The following PTGIS variants were observed in gnomAD, a reference collection of about 807,000 sequenced individuals.
PTGIS encodes prostaglandin I2 synthase.
PTGIS carries 45 observed loss-of-function variants against 50.3 expected under a neutral mutation model. That is an observed-to-expected ratio of 0.90 (90% CI 0.70 to 1.15). The LOEUF (loss-of-function observed/expected upper bound fraction) is 1.15. Ranked by LOEUF, PTGIS falls within the 50% of genes most tolerant of loss-of-function variation. The probability of loss-of-function intolerance (pLI) is 0.00; values close to 1 mark genes in which losing one functional copy is unlikely to be tolerated. For synonymous variants in PTGIS, 260 were observed against 267.7 expected (o/e 0.97, Z 0.28); for missense variants, 668 against 661.3 (o/e 1.01, Z -0.11).
chr20:49,527,552 A>G (rs1681908238), intron 5 of PTGIS, among the ~76,000 whole-genome samples: 1 of 152,170 alleles, frequency 6.6e-6, no homozygotes, highest in Non-Finnish European at 1.5e-5. Flanking sequence ...AAAGTAGAAT[A>G]GAAGAGACAG....
At chr20:49,541,150 C>A (rs56396761) in intron 4 of PTGIS, among the ~76,000 whole-genome samples, 1 of 152,208 alleles carries the variant, frequency 6.6e-6, no homozygotes, top group African/African-American at 2.4e-5. Flanking sequence ...TTTGGGGAAA[C>A]TCACACAAAA....
intron 5 of PTGIS, among the ~76,000 whole-genome samples, 183 bp downstream of exon 5, chr20:49,539,387 G>T (rs1982163454): frequency 6.6e-6 from 1 of 152,194 alleles, no homozygotes; most frequent in Non-Finnish European, 1.5e-5. Context: ...CCAAGCTCTG[G>T]TCCAAGCCCT....
intron 3 of PTGIS, among the ~76,000 whole-genome samples, chr20:49,545,734 G>T (rs1357298677): frequency 6.6e-6 from 1 of 152,124 alleles, no homozygotes; most frequent in Non-Finnish European, 1.5e-5. Context: ...AGTGAAGTGG[G>T]GTGTCCATGG....
At chr20:49,538,746 G>A (rs144595436) in intron 5 of PTGIS, among the ~76,000 whole-genome samples, 3 of 151,998 alleles carry the variant, frequency 2.0e-5, no homozygotes, top group Admixed American at 6.6e-5. Context: ...GTGCAGTGGC[G>A]TGATCACAGC....
chr20:49,547,937 A>C lies in PTGIS; in HGVS notation c.281T>G (p.Leu94Arg), dbSNP rs1303263595. ...GAAGATGGCATAGGCATGGAAGTCG[A>C]GCCTGGTGCGAGGCTCCCACACCAC... Reference protein sequence around the residue: ...DAVVWEPRTRLDFHAYAIFLM... With the variant: ...DAVVWEPRTRRDFHAYAIFLM... Residue 94 changes from leucine (L) to arginine (R), a missense_variant, in exon 3 of 10, where the codon CTC (leucine) becomes CGC (arginine). Coordinates refer to ENST00000244043, the MANE Select transcript of PTGIS (RefSeq NM_000961.4). 6.2e-7 allele frequency: 1 copy of C among 1,614,156 alleles called. No homozygotes were observed. The highest frequency in any genetic ancestry group is 1.7e-5 in the Admixed American group (1 of 60,018).
intron 5 of PTGIS, among the ~76,000 whole-genome samples, chr20:49,536,393 T>C (rs1250501786): frequency 6.6e-6 from 1 of 152,148 alleles, no homozygotes; most frequent in Non-Finnish European, 1.5e-5. Context: ...ACTATGACAA[T>C]GCTTAACCTC....
Position 49,547,778 on chromosome 20 carries a change from C to A in PTGIS, c.377+63G>T, listed in dbSNP as rs142779301. The A allele has an allele frequency of 3.1e-4, 474 of 1,548,508 alleles. 2 individuals are homozygous for A. In the African/African-American group the frequency reaches 4.5e-3, roughly 15 times the overall value. On this transcript the variant is annotated intron_variant, in intron 3 of 9. Transcript: ENST00000244043. ...CTTTGGAACCAAGAATAACTTGGGC[C>A]ACATGAGTAGAAATGAGTCGCCCAC...
At chr20:49,549,334 A>G (rs1018077879) in intron 2 of PTGIS, among the ~76,000 whole-genome samples, 6 of 152,214 alleles carry the variant, frequency 3.9e-5, no homozygotes, top group African/African-American at 1.4e-4. Flanking sequence ...ATAATACCTA[A>G]CACAATGTAA....
chr20:49,561,408 T>C (rs1982770929), intron 1 of PTGIS, among the ~76,000 whole-genome samples: 1 of 152,308 alleles, frequency 6.6e-6, no homozygotes, highest in South Asian at 2.1e-4. Context: ...AAATTTGAGC[T>C]CTGTGAGTCT....
In PTGIS at chr20:49,521,380, C is replaced by G. The variant is rs186923572; in HGVS notation, c.855+2678G>C. On this transcript the variant is annotated intron_variant, in intron 6 of 9. Coordinates refer to ENST00000244043, the MANE Select transcript of PTGIS (RefSeq NM_000961.4). ...TCCCAAAAGGCCCTTGAAAAGTTTT[C>G]CCACCTGCCTGAATTCTGGACGCTG... Among the ~76,000 whole-genome samples, 769 of 152,300 alleles carry G rather than the reference C, an allele frequency of 5.0e-3. 5 individuals are homozygous for G. Among genetic ancestry groups the G allele is most frequent in the Middle Eastern group, 0.024 (7 of 294 alleles).
chr20:49,513,694 A>G (rs1981390865), intron 7 of PTGIS, among the ~76,000 whole-genome samples: 1 of 152,178 alleles, frequency 6.6e-6, no homozygotes, highest in Non-Finnish European at 1.5e-5. Context: ...TGACTGGCCA[A>G]TCAGAGCATC....
At chr20:49,550,028 C>T (rs1222444698) in intron 2 of PTGIS, 38 bp downstream of exon 2, 3 of 1,614,000 alleles carry the variant, frequency 1.9e-6, no homozygotes, top group Admixed American at 1.7e-5. Context: ...GGCCCAGCTG[C>T]TCATCCCCAT....
intron 3 of PTGIS, among the ~76,000 whole-genome samples, chr20:49,545,719 C>T (rs1982338622): frequency 2.0e-5 from 3 of 152,124 alleles, no homozygotes; most frequent in African/African-American, 7.2e-5. Context: ...GATATCCCTA[C>T]AGCAAGTGAA....
intron 1 of PTGIS, 52 bp downstream of exon 1, chr20:49,567,991 G>A: frequency 6.9e-7 from 1 of 1,445,642 alleles, no homozygotes. Context: ...CTGCAGCCCG[G>A]GCGGGAGCCG....
chr20:49,522,125 G>A (rs1334661472), intron 6 of PTGIS, among the ~76,000 whole-genome samples: 1 of 151,872 alleles, frequency 6.6e-6, no homozygotes, highest in African/African-American at 2.4e-5. Context: ...TCTTCCCTCG[G>A]TCTCACGCCC....
chr20:49,548,007 C>T lies in PTGIS; in HGVS notation c.211G>A (p.Gly71Ser), dbSNP rs1469760889. Reference protein sequence around the residue: ...HGDIFTILVGGRYVTVLLDPH... With the variant: ...HGDIFTILVGSRYVTVLLDPH... ...TCCAGGAGAACGGTGACATACCTGC[C>T]CCCAACCAGTATCTGTGGGAAGTTG... The change falls in exon 3 of 10, where the codon GGC becomes AGC. Residue 71 changes from glycine (G) to serine (S), a missense_variant. Coordinates refer to ENST00000244043, the MANE Select transcript of PTGIS (RefSeq NM_000961.4). 4 of 1,613,956 alleles carry T rather than the reference C, an allele frequency of 2.5e-6. No homozygotes were observed. The Admixed American group carries it at 5.0e-5, about 20-fold the overall frequency.
At chr20:49,561,956 G>A (rs1437404534) in intron 1 of PTGIS, among the ~76,000 whole-genome samples, 2 of 152,200 alleles carry the variant, frequency 1.3e-5, no homozygotes, top group African/African-American at 4.8e-5. Flanking sequence ...CGCTGATGGT[G>A]TGGGAGACAC....
At chr20:49,535,515 G>A (rs1982046545) in intron 5 of PTGIS, among the ~76,000 whole-genome samples, 1 of 152,076 alleles carries the variant, frequency 6.6e-6, no homozygotes, top group Non-Finnish European at 1.5e-5. Context: ...TTGGTTTTTT[G>A]TTTTTGTTTT....
intron 5 of PTGIS, among the ~76,000 whole-genome samples, chr20:49,529,001 G>A (rs1400523661): frequency 1.3e-5 from 2 of 152,080 alleles, no homozygotes; most frequent in African/African-American, 4.8e-5. Flanking sequence ...AGGTATAATT[G>A]ACAAAGGAAA....
Sources: gnomAD v4.1 joint callset for allele counts (sites outside exome capture counted in the v4.1 genomes callset) on GRCh38, gnomAD v4.1.1 for gene constraint, MANE v1.5 for transcripts, NCBI Gene and HGNC (gene_info 2026-07-23, HGNC 2026-07-21) for gene names.